ARHGEF6: variants seen among roughly 807,000 people sequenced by gnomAD.
ARHGEF6 encodes the protein Rac/Cdc42 guanine nucleotide exchange factor 6, also known as rho guanine nucleotide exchange factor 6.
A neutral mutation model predicts 70.3 loss-of-function variants in ARHGEF6; 9 were observed. The observed-to-expected ratio is 0.13, with a 90% CI of 0.08 to 0.22. The LOEUF (loss-of-function observed/expected upper bound fraction) is 0.22. ARHGEF6 is among the 10% of genes least tolerant of loss of function. The pLI, the probability that ARHGEF6 is intolerant of heterozygous loss-of-function variation, is 1.00. For missense variants in ARHGEF6, 470 were observed against 563.0 expected, an observed-to-expected ratio of 0.83 and a Z score of 1.67; for synonymous variants, 201 against 207.8, an observed-to-expected ratio of 0.97 and a Z score of 0.28.
At chrX:136,738,690 C>G (rs1303898032) in intron 5 of ARHGEF6, among the ~76,000 whole-genome samples, 2 of 112,682 alleles carry the variant, frequency 1.8e-5, no homozygotes, top group Non-Finnish European at 3.8e-5. Context: ...AAGACAGAGA[C>G]TGACACCCTC....
chrX:136,674,918 A>G (rs1295256340), intron 19 of ARHGEF6, 89 bp downstream of exon 19: 2 of 852,004 alleles, frequency 2.3e-6, no homozygotes, highest in Non-Finnish European at 3.5e-6. Flanking sequence ...CCTGCAACCC[A>G]TCCGGGTTGC....
At chrX:136,764,982 G>C (rs1266240276) in intron 2 of ARHGEF6, among the ~76,000 whole-genome samples, 3 of 111,592 alleles carry the variant, frequency 2.7e-5, no homozygotes, top group East Asian at 5.6e-4. Context: ...AATAGCTTTG[G>C]GGGCAACAGC....
chrX:136,706,393 A>G (rs2076627433), intron 9 of ARHGEF6, among the ~76,000 whole-genome samples: 1 of 111,816 alleles, frequency 8.9e-6, no homozygotes, highest in East Asian at 2.8e-4. Context: ...AGACTAGGGA[A>G]GGCAAAAAGA....
At chrX:136,709,177 T>C (rs2076658616) in intron 7 of ARHGEF6, among the ~76,000 whole-genome samples, 1 of 111,965 alleles carries the variant, frequency 8.9e-6, no homozygotes, top group African/African-American at 3.2e-5. Flanking sequence ...CAAGAAAAAA[T>C]AGCAAAATCA....
chrX:136,766,887 C>A (rs894961062), intron 2 of ARHGEF6, among the ~76,000 whole-genome samples: 5 of 112,537 alleles, frequency 4.4e-5, no homozygotes, highest in African/African-American at 6.5e-5. Context: ...GCAAACCTTG[C>A]GGCCAGAGCT....
chrX:136,756,053 T>C (rs1027931093), intron 2 of ARHGEF6, among the ~76,000 whole-genome samples: 3 of 111,406 alleles, frequency 2.7e-5, no homozygotes, highest in African/African-American at 6.5e-5. Flanking sequence ...TCAATAGATA[T>C]TTGGTTAATT....
chrX:136,780,587 A>C, intron 1 of ARHGEF6, 131 bp downstream of exon 1: 1 of 648,692 alleles, frequency 1.5e-6, no homozygotes, highest in Non-Finnish European at 2.5e-6. Flanking sequence ...AGTAAGAAAG[A>C]ATGTCTAACT....
At chrX:136,683,798 T>G (rs1246578812) in intron 12 of ARHGEF6, among the ~76,000 whole-genome samples, 1 of 111,470 alleles carries the variant, frequency 9.0e-6, no homozygotes, top group Non-Finnish European at 1.9e-5. Flanking sequence ...GAGCAACCCT[T>G]CCAGGCTAAC....
chrX:136,742,117 A>G (rs865865759), intron 5 of ARHGEF6, among the ~76,000 whole-genome samples: 14 of 111,119 alleles, frequency 1.3e-4, no homozygotes, highest in South Asian at 3.8e-4. Context: ...TCAGGAGATC[A>G]AGACCATCCT....
intron 6 of ARHGEF6, among the ~76,000 whole-genome samples, chrX:136,727,305 G>GTCTT (rs1235171712): frequency 0.12 from 8,069 of 65,661 alleles, 887 homozygotes; most frequent in South Asian, 0.24. Context: ...GATGTCTGTA[G>GTCTT]TCTTTCTTTC....
chrX:136,692,950 T>C (rs1396367595), intron 9 of ARHGEF6, among the ~76,000 whole-genome samples: 1 of 112,471 alleles, frequency 8.9e-6, no homozygotes, highest in South Asian at 3.6e-4. Context: ...ACCAAGAGCA[T>C]AAAGTGCATA....
chrX:136,738,544 C>T (rs951216606), intron 5 of ARHGEF6, among the ~76,000 whole-genome samples: 1 of 112,676 alleles, frequency 8.9e-6, no homozygotes, highest in African/African-American at 3.2e-5. Flanking sequence ...TCTCCTCCCA[C>T]CTCTCCATAG....
chrX:136,748,759 G>C (rs1158115141), intron 2 of ARHGEF6, among the ~76,000 whole-genome samples: 7 of 112,077 alleles, frequency 6.2e-5, no homozygotes, highest in Non-Finnish European at 1.3e-4. Flanking sequence ...ATTTTAAAGG[G>C]TCTGTCTTCC....
At chrX:136,737,995 C>T (rs939622826) in intron 5 of ARHGEF6, among the ~76,000 whole-genome samples, 13 of 108,176 alleles carry the variant, frequency 1.2e-4, no homozygotes, top group Non-Finnish European at 1.1e-4. Flanking sequence ...TTTTGTTTTC[C>T]CTGAACAATC....
chrX:136,727,329 CTTTCTTTCTTTCTTTCTTTCTT>C (rs2076865867), intron 6 of ARHGEF6, among the ~76,000 whole-genome samples: 4 of 29,285 alleles, frequency 1.4e-4, no homozygotes, highest in Admixed American at 3.0e-4. Context: ...CTTTCTTTTT[CTTTCTTTCTTTCTTTCTTTCTT>C]TCTTTCTTTC....
chrX:136,747,188 C>A (rs1414955068), intron 3 of ARHGEF6, among the ~76,000 whole-genome samples: 1 of 111,070 alleles, frequency 9.0e-6, no homozygotes, highest in Non-Finnish European at 1.9e-5. Flanking sequence ...TTTGTAAACT[C>A]TATGAAAAAG....
chrX:136,679,542 T>A lies in ARHGEF6; in HGVS notation c.1823A>T (p.Tyr608Phe). Reference protein sequence around the residue: ...PPLRPSAALGYKERMSYILKE... With the variant: ...PPLRPSAALGFKERMSYILKE... Reference sequence around the variant, plus strand: ...CATAGGTAGCAAAATTACCTCTTTATAACCTAGTGCTGCTGATGGTCTAAG... The same window carrying A: ...CATAGGTAGCAAAATTACCTCTTTAAAACCTAGTGCTGCTGATGGTCTAAG... The change falls in exon 16 of 22, where the codon TAT becomes TTT. Residue 608 changes from tyrosine to phenylalanine, a missense_variant. Physicochemically the swap from Tyr to Phe is conservative, Grantham distance 22 (BLOSUM62 3). Around this residue, in one of 3 missense-constraint regions of ARHGEF6, gnomAD observed 379 missense variants for 449.3 expected, o/e 0.84. Transcript: ENST00000250617. 8.3e-7 allele frequency: 1 copy of A among 1,211,661 alleles called. No homozygotes were observed. The highest frequency in any genetic ancestry group is 1.1e-6 in the Non-Finnish European group (1 of 895,278).
intron 6 of ARHGEF6, among the ~76,000 whole-genome samples, chrX:136,719,212 C>G (rs2076771209): frequency 9.1e-6 from 1 of 110,077 alleles, no homozygotes; most frequent in Non-Finnish European, 1.9e-5. Context: ...TATCCAACAA[C>G]AGCAGATTAC....
intron 2 of ARHGEF6, among the ~76,000 whole-genome samples, 186 bp downstream of exon 2, chrX:136,779,228 G>C (rs1279201504): frequency 8.9e-6 from 1 of 111,877 alleles, no homozygotes; most frequent in African/African-American, 3.3e-5. Context: ...ATTTTGTTTT[G>C]TTTTGCTTGG....
Sources: gnomAD v4.1 joint callset for allele counts (sites outside exome capture counted in the v4.1 genomes callset) on GRCh38, gnomAD v4.1.1 for gene constraint, gnomAD v4.1.1 regional missense constraint, MANE v1.5 for transcripts, NCBI Gene and HGNC (gene_info 2026-07-23, HGNC 2026-07-21) for gene names.